BEGAIN: variants seen among roughly 807,000 people sequenced by gnomAD.
The protein encoded by BEGAIN is brain-enriched guanylate kinase-associated protein.
BEGAIN carries 19 observed loss-of-function variants against 35.8 expected under a neutral mutation model. The observed-to-expected ratio is 0.53, with a 90% confidence interval of 0.37 to 0.78. BEGAIN has a LOEUF of 0.78. BEGAIN is among the 30% of genes least tolerant of loss of function. The pLI, the probability that BEGAIN is intolerant of heterozygous loss-of-function variation, is 0.00. For synonymous variants in BEGAIN, 462 were observed against 388.6 expected, an observed-to-expected ratio of 1.19 and a Z score of -2.22; for missense variants, 795 against 853.6, an observed-to-expected ratio of 0.93 and a Z score of 0.85.
At chr14:100,550,642 A>G (rs1413284912) in intron 2 of BEGAIN, 1 of 394,328 alleles carries the variant, frequency 2.5e-6, no homozygotes, top group Non-Finnish European at 4.4e-6. Context: ...GTTGGTCCCC[A>G]CCCCCTGCCA....
At chr14:100,545,369 C>T (rs776784683) in intron 3 of BEGAIN, 5 of 1,218,624 alleles carry the variant, frequency 4.1e-6, no homozygotes, top group African/African-American at 1.5e-5. Context: ...CCCATCCACA[C>T]GCGGAGCCAG....
In BEGAIN at chr14:100,586,578, C is replaced by T. The variant is rs1386225502; in HGVS notation, c.42+671G>A. On this transcript the variant is annotated intron_variant, in intron 1 of 6. Transcript: ENST00000554140. This position sits in a 1 kb window ranked among gnomAD's most constrained non-coding sequence, Gnocchi z 4.9. Reference sequence around the variant, plus strand: ...GCGGAAACGCTGGGGCAGAAATTCCCATCCAACGTGCTGGGGCTCAGGGAG... The same window carrying T: ...GCGGAAACGCTGGGGCAGAAATTCCTATCCAACGTGCTGGGGCTCAGGGAG... Among the ~76,000 whole-genome samples, 1 of 152,158 alleles carries T rather than the reference C, an allele frequency of 6.6e-6. No individual in the cohort carries two copies. Among genetic ancestry groups the T allele is most frequent in the Non-Finnish European group, 1.5e-5 (1 of 68,020 alleles).
Position 100,558,537 on chromosome 14 carries a change from G to A in BEGAIN, c.71+9374C>T, listed in dbSNP as rs987118528. Among the ~76,000 whole-genome samples, 11 of 152,140 alleles carry A rather than the reference G, an allele frequency of 7.2e-5. No individual in the cohort carries two copies. Among genetic ancestry groups the A allele is most frequent in the Non-Finnish European group, 1.5e-4 (10 of 68,040 alleles). ...CAGCAAATACCATCTCTCTGCTGAG[G>A]CCCCCACATTGGCTGCTCCCCAACT... is the stretch of plus-strand genomic sequence containing the variant. On this transcript the variant is annotated intron_variant, in intron 2 of 6. Coordinates refer to ENST00000554140, the MANE Select transcript of BEGAIN (RefSeq NM_001385089.1). The surrounding 1 kb of genome is among the most constrained non-coding windows in gnomAD (Gnocchi z 4.6).
rs558079539 is a variant in BEGAIN at position 100,553,189 on chromosome 14, G to C, written c.72-6527C>G. Among the ~76,000 whole-genome samples the C allele has an allele frequency of 3.4e-4, 51 of 152,190 alleles. 4 individuals carry two copies. In the South Asian group the frequency reaches 0.01, roughly 30 times the overall value. On this transcript the variant is annotated intron_variant, in intron 2 of 6. Coordinates refer to ENST00000554140, the MANE Select transcript of BEGAIN (RefSeq NM_001385089.1). The stretch of plus-strand genomic sequence containing the variant: ...TCCTTGACGGGTGGGGAAGGAGAAC[G>C]GGATGCTCAGGATGCACCAGGCATG...
In BEGAIN at chr14:100,539,308, G is replaced by A. The variant is rs373098099; in HGVS notation, c.500C>T (p.Ser167Leu). 81 of 1,551,580 alleles carry A rather than the reference G, an allele frequency of 5.2e-5. No homozygotes were observed. Among genetic ancestry groups the A allele is most frequent in the Middle Eastern group, 1.7e-4 (1 of 5,780 alleles). ...GRVHKVSELPSDFQERVSLHM... is the reference protein window; with the variant it reads ...GRVHKVSELPLDFQERVSLHM... ...CAGGCTCACGCGCTCCTGGAAATCCGAGGGCAGCTGGAACGGGTGCGAGGA... is the reference window on the plus strand; with the variant it reads ...CAGGCTCACGCGCTCCTGGAAATCCAAGGGCAGCTGGAACGGGTGCGAGGA... Residue 167 changes from serine (S) to leucine (L), a missense_variant, in exon 7 of 7, where the codon TCG (serine) becomes TTG (leucine). Physicochemically the swap from Ser to Leu is moderately radical, Grantham distance 145. Transcript: ENST00000554140.
At chr14:100,556,976 C>T (rs1279705507) in intron 2 of BEGAIN, among the ~76,000 whole-genome samples, 4 of 152,214 alleles carry the variant, frequency 2.6e-5, no homozygotes, top group African/African-American at 9.6e-5. Flanking sequence ...AGAGCCCAGG[C>T]CCTGGGTAGC....
chr14:100,585,086 A>T (rs1025235103), intron 1 of BEGAIN, among the ~76,000 whole-genome samples: 21 of 152,014 alleles, frequency 1.4e-4, no homozygotes, highest in Admixed American at 1.3e-4. Context: ...TGACCCCTTC[A>T]TCTGTTCAGC....
In BEGAIN at chr14:100,568,094, C is replaced by T; in HGVS notation, c.43-155G>A. ...GCGCGTCCCCAGCTTCCAGTCCCGG[C>T]CGCGGCCCCCGTGACTCAGTGGGCG... On this transcript the variant is annotated intron_variant, in intron 1 of 6. Transcript: ENST00000554140. This position sits in a 1 kb window ranked among gnomAD's most constrained non-coding sequence, Gnocchi z 7.5. The T allele has an allele frequency of 9.6e-7, 1 of 1,045,342 alleles. No homozygotes were observed. Among genetic ancestry groups the T allele is most frequent in the Non-Finnish European group, 1.1e-6 (1 of 870,698 alleles). The allele number at this position is 1,045,342 out of a possible 1,614,324, so 64.8% of individuals were successfully genotyped here.
chr14:100,561,365 C>T (rs927703339), intron 2 of BEGAIN, among the ~76,000 whole-genome samples: 9 of 152,190 alleles, frequency 5.9e-5, no homozygotes, highest in Admixed American at 2.0e-4. Flanking sequence ...ATGACCCCAG[C>T]GTGCACTGAG....
Position 100,538,314 on chromosome 14 carries a change from C to T in BEGAIN, c.1494G>A (p.Gly498=), listed in dbSNP as rs1274049034. 4 of 1,525,604 alleles carry T rather than the reference C, an allele frequency of 2.6e-6. No individual in the cohort carries two copies. Among genetic ancestry groups the T allele is most frequent in the East Asian group, 2.3e-5 (1 of 43,278 alleles). The allele number at this position is 1,525,604 out of a possible 1,614,324, so 94.5% of individuals were successfully genotyped here. A position where few individuals can be genotyped will look rare whatever the true frequency, so the allele number is the denominator to read the frequency against. The change falls in exon 7 of 7, where the codon GGG becomes GGA. Residue 498 remains glycine, a synonymous_variant. Coordinates refer to ENST00000554140, the MANE Select transcript of BEGAIN (RefSeq NM_001385089.1). ...ASYKADSFSE[G]DDLSQGHLAE... ...CCAGGTGGCCCTGGGAGAGGTCGTC[C>T]CCCTCGGAGAAGCTGTCGGCCTTGT...
chr14:100,545,663 A>G (rs2032276114), intron 3 of BEGAIN, among the ~76,000 whole-genome samples: 1 of 152,172 alleles, frequency 6.6e-6, no homozygotes, highest in Non-Finnish European at 1.5e-5. Flanking sequence ...TGTCTTGCCA[A>G]TAGGGAAACT....
chr14:100,560,566 C>T (rs1566973165), intron 2 of BEGAIN, among the ~76,000 whole-genome samples: 1 of 152,110 alleles, frequency 6.6e-6, no homozygotes, highest in Non-Finnish European at 1.5e-5. Flanking sequence ...CCAAATGCCA[C>T]CACCAGCCCC....
chr14:100,585,406 T>C, intron 1 of BEGAIN, among the ~76,000 whole-genome samples: 1 of 65,408 alleles, frequency 1.5e-5, no homozygotes, highest in African/African-American at 5.7e-5. Context: ...CATCCATCCC[T>C]CCCTCCCTCC....
intron 1 of BEGAIN, among the ~76,000 whole-genome samples, chr14:100,579,035 A>AT (rs1305080862): frequency 6.6e-6 from 1 of 151,876 alleles, no homozygotes; most frequent in Admixed American, 6.6e-5. Flanking sequence ...TAATTTTTGT[A>AT]TTTTTTGTAG....
At chr14:100,544,331 G>A (rs988233714) in intron 4 of BEGAIN, among the ~76,000 whole-genome samples, 24 of 152,292 alleles carry the variant, frequency 1.6e-4, no homozygotes, top group East Asian at 9.7e-4. Flanking sequence ...GGAAAGGGCC[G>A]GTGTCCAGGC....
chr14:100,543,002 G>A (rs1179585608), intron 5 of BEGAIN, among the ~76,000 whole-genome samples: 4 of 148,680 alleles, frequency 2.7e-5, no homozygotes, highest in East Asian at 1.9e-4. Flanking sequence ...CCCGCTGGGC[G>A]CTCCTTGGCC....
At chr14:100,572,450 G>A (rs2035106048) in intron 1 of BEGAIN, among the ~76,000 whole-genome samples, 1 of 152,136 alleles carries the variant, frequency 6.6e-6, no homozygotes, top group South Asian at 2.1e-4. Flanking sequence ...ACTCAGGCCA[G>A]CCCCACCCTC....
rs571196423 is a variant in BEGAIN, at chr14:100,566,216, T to C, written c.71+1695A>G. 2.0e-5 allele frequency among the ~76,000 whole-genome samples: 3 copies of C among 152,334 alleles called. No individual in the cohort carries two copies. In the East Asian group the frequency reaches 5.8e-4, roughly 29 times the overall value. ...CCCTGGCCACTGCCTCCAGCCTTTA[T>C]GGCTTAGCCCAGGGAAGCCTCAGCC... On this transcript the variant is annotated intron_variant, in intron 2 of 6. Coordinates refer to ENST00000554140, the MANE Select transcript of BEGAIN (RefSeq NM_001385089.1).
chr14:100,555,683 C>T (rs1274035414), intron 2 of BEGAIN, among the ~76,000 whole-genome samples: 5 of 152,228 alleles, frequency 3.3e-5, no homozygotes, highest in African/African-American at 1.2e-4. Flanking sequence ...TAAATAGTAG[C>T]GCTTTAGCCA....
Sources: allele counts gnomAD v4.1 joint callset (sites outside exome capture counted in the v4.1 genomes callset), GRCh38; gene constraint gnomAD v4.1.1; non-coding constraint Gnocchi (gnomAD v3.1); transcripts MANE v1.5; gene names NCBI Gene and HGNC (gene_info 2026-07-23, HGNC 2026-07-21).